PDE4D: variants seen among roughly 807,000 people sequenced by gnomAD.
The protein encoded by PDE4D is 3',5'-cyclic-AMP phosphodiesterase 4D.
A neutral mutation model predicts 87.4 loss-of-function variants in PDE4D; 24 were observed. The ratio of observed to expected loss-of-function variants is 0.27; its 90% CI spans 0.20 to 0.39. The LOEUF (loss-of-function observed/expected upper bound fraction) is 0.39. Among genes scored for constraint, PDE4D ranks in the 10% least tolerant of loss-of-function variants. The pLI, the probability that PDE4D is intolerant of heterozygous loss-of-function variation, is 1.00. For missense variants in PDE4D, 714 were observed against 1,041.0 expected (o/e 0.69, Z 4.32); for synonymous variants, 384 against 383.2 (o/e 1.00, Z -0.02).
At chr5:60,024,156 T>A (rs1422368693) in intron 2 of PDE4D, among the ~76,000 whole-genome samples, 1 of 152,142 alleles carries the variant, frequency 6.6e-6, no homozygotes, top group Admixed American at 6.6e-5. Flanking sequence ...AATTCAACTA[T>A]AAGTGAGAGG....
At chr5:59,062,293 T>C (rs1163953671) in intron 5 of PDE4D, among the ~76,000 whole-genome samples, 1 of 152,144 alleles carries the variant, frequency 6.6e-6, no homozygotes, top group Non-Finnish European at 1.5e-5. Flanking sequence ...AAAACCAGTA[T>C]TTAGTTATCT....
At chr5:59,552,102 C>G (rs1415325710) in intron 1 of PDE4D, among the ~76,000 whole-genome samples, 1 of 152,068 alleles carries the variant, frequency 6.6e-6, no homozygotes, top group South Asian at 2.1e-4. Flanking sequence ...GTCTGTAGAC[C>G]TAGCTACTCA....
intron 5 of PDE4D, among the ~76,000 whole-genome samples, chr5:59,163,916 C>T (rs1450214566): frequency 1.3e-5 from 2 of 152,170 alleles, no homozygotes; most frequent in Non-Finnish European, 2.9e-5. Context: ...TTTTGACCAG[C>T]TGCTGAGCTT....
chr5:60,458,671 T>C (rs1030206495), intron 1 of PDE4D, among the ~76,000 whole-genome samples: 87 of 152,158 alleles, frequency 5.7e-4, no homozygotes, highest in Non-Finnish European at 1.2e-3. Flanking sequence ...AATTAAATTA[T>C]TAAGAATGAA....
chr5:59,990,125 C>T (rs1051815972), intron 2 of PDE4D, among the ~76,000 whole-genome samples: 1 of 152,106 alleles, frequency 6.6e-6, no homozygotes, highest in Admixed American at 6.6e-5. Flanking sequence ...TTGGAACATC[C>T]AGACCTCATT....
intron 5 of PDE4D, among the ~76,000 whole-genome samples, chr5:59,084,411 A>G (rs1238728414): frequency 1.3e-5 from 2 of 151,960 alleles, no homozygotes; most frequent in East Asian, 1.9e-4. Flanking sequence ...TTTATAAAAT[A>G]TATTTATATA....
intron 2 of PDE4D, among the ~76,000 whole-genome samples, chr5:60,087,846 C>T (rs1054935116): frequency 1.2e-4 from 19 of 152,096 alleles, no homozygotes; most frequent in African/African-American, 4.1e-4. Flanking sequence ...CAAAAAGTAA[C>T]GGCTGAAATT....
chr5:59,023,469 A>T (rs374874067), intron 6 of PDE4D, among the ~76,000 whole-genome samples: 1 of 5,796 alleles, frequency 1.7e-4, no homozygotes, highest in Admixed American at 2.5e-3. Context: ...TGTCTCTACA[A>T]AAAAAAAAAA....
At chr5:60,417,778 A>G (rs1742738387) in intron 1 of PDE4D, among the ~76,000 whole-genome samples, 1 of 152,216 alleles carries the variant, frequency 6.6e-6, no homozygotes, top group Non-Finnish European at 1.5e-5. Flanking sequence ...ATAGTACAAC[A>G]TCGTGTTGGG....
At chr5:60,170,067 T>A (rs1783278642) in intron 2 of PDE4D, among the ~76,000 whole-genome samples, 1 of 151,978 alleles carries the variant, frequency 6.6e-6, no homozygotes, top group African/African-American at 2.4e-5. Flanking sequence ...CATGACCTTT[T>A]TAGAGTCTAA....
At chr5:59,794,171 A>T (rs1766182626) in intron 1 of PDE4D, among the ~76,000 whole-genome samples, 1 of 150,856 alleles carries the variant, frequency 6.6e-6, no homozygotes, top group South Asian at 2.1e-4. Flanking sequence ...ACACACACAC[A>T]CACACACACA....
intron 2 of PDE4D, among the ~76,000 whole-genome samples, chr5:60,099,874 C>G (rs1047041327): frequency 6.6e-6 from 1 of 151,970 alleles, no homozygotes; most frequent in African/African-American, 2.4e-5. Context: ...AATTTCAGTT[C>G]TGGAACTCTA....
chr5:60,080,160 T>C (rs1356012059), intron 2 of PDE4D, among the ~76,000 whole-genome samples: 1 of 152,228 alleles, frequency 6.6e-6, no homozygotes, highest in Admixed American at 6.5e-5. Context: ...AGTTCATTCA[T>C]GATTTGGCTT....
At chr5:59,884,135 AAC>A (rs1210873342) in intron 1 of PDE4D, among the ~76,000 whole-genome samples, 2 of 152,070 alleles carry the variant, frequency 1.3e-5, no homozygotes, top group African/African-American at 2.4e-5. Context: ...ACACACCTGT[AAC>A]AGTTTGGTGG....
chr5:59,381,709 T>C (rs1200484495), intron 1 of PDE4D, among the ~76,000 whole-genome samples: 1 of 152,120 alleles, frequency 6.6e-6, no homozygotes, highest in Non-Finnish European at 1.5e-5. Flanking sequence ...TATCCTCTCT[T>C]TTGTGTATCT....
At chr5:59,770,005 T>C (rs577624064) in intron 1 of PDE4D, among the ~76,000 whole-genome samples, 12 of 152,344 alleles carry the variant, frequency 7.9e-5, no homozygotes, top group African/African-American at 2.9e-4. Context: ...GAGGTTCTAT[T>C]CACAGAAGGA....
chr5:60,034,845 A>C (rs941890331), intron 2 of PDE4D, among the ~76,000 whole-genome samples: 1 of 152,306 alleles, frequency 6.6e-6, no homozygotes, highest in Non-Finnish European at 1.5e-5. Flanking sequence ...ACTTGTGCTC[A>C]GGGGCACTGA....
chr5:60,476,140 A>C (rs952078407), intron 1 of PDE4D, among the ~76,000 whole-genome samples: 25 of 152,288 alleles, frequency 1.6e-4, no homozygotes, highest in African/African-American at 6.0e-4. Flanking sequence ...ATAACTGTAA[A>C]ATCATAGTTT....
intron 1 of PDE4D, among the ~76,000 whole-genome samples, chr5:59,385,818 A>G (rs1327967015): frequency 6.6e-6 from 1 of 152,094 alleles, no homozygotes; most frequent in African/African-American, 2.4e-5. Context: ...TCACACTGAG[A>G]ACATTTCCCC....
Sources: gnomAD v4.1 joint callset for allele counts (sites outside exome capture counted in the v4.1 genomes callset) on GRCh38, gnomAD v4.1.1 for gene constraint, MANE v1.5 for transcripts, NCBI Gene and HGNC (gene_info 2026-07-23, HGNC 2026-07-21) for gene names.